Variants in ADAT3 observed in about 807,000 individuals in gnomAD.
ADAT3 encodes the protein tRNA-specific adenosine-34 deaminase regulatory subunit ADAT3.
ADAT3 carries 2 observed loss-of-function variants against 3.5 expected under a neutral mutation model. That is an observed-to-expected ratio of 0.57 (90% CI 0.23 to 1.79). The LOEUF (loss-of-function observed/expected upper bound fraction) is 1.79, where lower values mean the gene tolerates loss of function less well. ADAT3 is among the 40% of genes most tolerant of loss of function. ADAT3 has a pLI of 0.18. For missense variants in ADAT3, 735 were observed against 571.4 expected (o/e 1.29, Z -2.92); for synonymous variants, 358 against 270.3 (o/e 1.32, Z -3.18).
At chr19:1,907,415 G>A (rs148317460) in intron 1 of ADAT3, among the ~76,000 whole-genome samples, 5 of 151,748 alleles carry the variant, frequency 3.3e-5, no homozygotes, top group African/African-American at 1.2e-4. Context: ...AGGTAGAGCA[G>A]GAATTCCCAT....
chr19:1,912,797 C>G lies in ADAT3; in HGVS notation c.750C>G (p.Arg250=). 1 of 1,574,030 alleles carries G rather than the reference C, an allele frequency of 6.4e-7. No individual in the cohort carries two copies. The highest frequency in any genetic ancestry group is 8.6e-7 in the Non-Finnish European group (1 of 1,168,586). Residue 250 remains arginine, a synonymous_variant, in exon 2 of 2, where the codon CGC becomes CGG. Transcript: ENST00000329478. ...TGGTGTGCGTGGACCTCGTGGCGCG[C>G]GGCCAGGGCCGCGGCACCTACGACT... ...AVMVCVDLVA[R]GQGRGTYDFR...
In ADAT3 at chr19:1,913,000, G is replaced by A. The variant is rs368033500; in HGVS notation, c.953G>A (p.Arg318His). 2.5e-6 allele frequency: 4 copies of A among 1,607,906 alleles called. No individual in the cohort carries two copies. The highest frequency in any genetic ancestry group is 1.1e-5 in the South Asian group (1 of 91,050). The part of the protein sequence containing the change: ...AMCAMALVHA[R>H]ILRVFYGAPS... ...TGCGCCATGGCCCTGGTGCACGCAC[G>A]CATCCTGCGCGTCTTCTACGGTGCG... is the stretch of plus-strand genomic sequence containing the variant. The change falls in exon 2 of 2, where the codon CGC (arginine) becomes CAC (histidine). Residue 318 changes from arginine (R) to histidine (H), a missense_variant. Transcript: ENST00000329478.
intron 1 of ADAT3, chr19:1,905,686 C>A (rs2013073137): frequency 6.5e-6 from 1 of 154,506 alleles, no homozygotes; most frequent in Non-Finnish European, 1.5e-5. Flanking sequence ...CGCGCTCCCC[C>A]GGGCCTAGCG....
rs1277570305 is a variant in ADAT3 at position 1,908,931 on chromosome 19, C to A, written c.-158-2959C>A. On this transcript the variant is annotated intron_variant, in intron 1 of 1. Coordinates refer to ENST00000329478, the MANE Select transcript of ADAT3 (RefSeq NM_138422.4). This position sits in a 1 kb window ranked among gnomAD's most constrained non-coding sequence, Gnocchi z 4.2. ...ACCAGCCTGGCCAACATGGTGGAAC[C>A]CCGTCTCTACTGAAAATACAAAAAT... 6.6e-6 allele frequency among the ~76,000 whole-genome samples: 1 copy of A among 151,910 alleles called. No homozygotes were observed. The highest frequency in any genetic ancestry group is 1.5e-5 in the Non-Finnish European group (1 of 68,016).
In ADAT3 at chr19:1,912,318, C is replaced by A. The variant is rs1261545718; in HGVS notation, c.271C>A (p.Leu91Ile). Residue 91 changes from leucine (L) to isoleucine (I), a missense_variant, in exon 2 of 2, where the codon CTC (leucine) becomes ATC (isoleucine). Leu to Ile is a conservative substitution (Grantham distance 5). Transcript: ENST00000329478. The part of the protein sequence containing the change: ...ALHPLPAQPH[L>I]KRVRPSRDAG... ...GCACCCGCTCCCCGCCCAGCCTCAC[C>A]TCAAGCGGGTGCGGCCCAGCCGCGA... 1.3e-6 allele frequency: 2 copies of A among 1,550,652 alleles called. No homozygotes were observed. The highest frequency in any genetic ancestry group is 1.2e-5 in the South Asian group (1 of 83,318).
At chr19:1,907,343 G>C (rs1259345749) in intron 1 of ADAT3, among the ~76,000 whole-genome samples, 1 of 149,800 alleles carries the variant, frequency 6.7e-6, no homozygotes, top group Non-Finnish European at 1.5e-5. Context: ...AAGATGGTCA[G>C]GCCCCTCCAT....
At position 1,908,188 on chromosome 19, in the gene ADAT3, T is replaced by A. The variant is rs1301897858; in HGVS notation, c.-159+2749T>A. 8 of 274,416 alleles carry A rather than the reference T, an allele frequency of 2.9e-5. 1 individual carries two copies. The highest frequency in any genetic ancestry group is 9.6e-5 in the South Asian group (3 of 31,358). 17.0% of individuals were successfully genotyped at this position (274,416 alleles called of 1,614,324 possible). On this transcript the variant is annotated intron_variant, in intron 1 of 1. Transcript: ENST00000329478. The surrounding 1 kb of genome is among the most constrained non-coding windows in gnomAD (Gnocchi z 4.2). ...GGAGGGCCCAGCGAGTCGGCTGCTA[T>A]GGGCCCCACCTGGCACGGGGCCTCG...
In ADAT3 at chr19:1,908,299, G is replaced by A; in HGVS notation, c.-159+2860G>A. The A allele has an allele frequency of 3.0e-6, 1 of 328,238 alleles. No homozygotes were observed. The highest frequency in any genetic ancestry group is 6.0e-6 in the Non-Finnish European group (1 of 165,394). 20.3% of individuals were successfully genotyped at this position (328,238 alleles called of 1,614,324 possible). ...CGGTTCTGTGCTTTGTTGAACGCGT[G>A]AGCTTCGGGCAGCGCTGGGGCCGCT... is the stretch of plus-strand genomic sequence containing the variant. On this transcript the variant is annotated intron_variant, in intron 1 of 1. Transcript: ENST00000329478. This position sits in a 1 kb window ranked among gnomAD's most constrained non-coding sequence, Gnocchi z 4.2.
Position 1,913,436 on chromosome 19 carries a change from G to A in ADAT3, c.*285G>A. The A allele has an allele frequency of 1.8e-6, 1 of 545,534 alleles. No homozygotes were observed. Among genetic ancestry groups the A allele is most frequent in the Non-Finnish European group, 3.3e-6 (1 of 299,964 alleles). The allele number at this position is 545,534 out of a possible 1,614,324, so 33.8% of individuals were successfully genotyped here. ...AACTGCTCTGATGGGAAAATAAACA[G>A]CCCAAAACCAAGTGGGTGTCTGTTA... On this transcript the variant is annotated 3_prime_UTR_variant, in exon 2 of 2. Transcript: ENST00000329478.
intron 1 of ADAT3, among the ~76,000 whole-genome samples, chr19:1,911,466 C>T (rs2013443751): frequency 2.0e-5 from 3 of 152,220 alleles, no homozygotes; most frequent in South Asian, 4.1e-4. Context: ...GCCGCTGGTA[C>T]CTAGCCATGA....
Position 1,912,064 on chromosome 19 carries a change from G to A in ADAT3, c.17G>A (p.Arg6His), listed in dbSNP as rs1161781298. 4.9e-6 allele frequency: 7 copies of A among 1,436,016 alleles called. No homozygotes were observed. The highest frequency in any genetic ancestry group is 5.6e-5 in the East Asian group (2 of 35,756). The allele number at this position is 1,436,016 out of a possible 1,614,324, so 89.0% of individuals were successfully genotyped here. MILCSRLCLPQSASLR... is the reference protein window; with the variant it reads MILCSHLCLPQSASLR... Reference sequence around the variant, plus strand: ...AGCCGCCGGATGATCCTCTGCTCCCGTCTCTGTCTCCCACAGTCGGCCTCG... The same window carrying A: ...AGCCGCCGGATGATCCTCTGCTCCCATCTCTGTCTCCCACAGTCGGCCTCG... The change falls in exon 2 of 2, where the codon CGT becomes CAT. Residue 6 changes from arginine to histidine, a missense_variant. Physicochemically the swap from Arg to His is conservative, Grantham distance 29. Coordinates refer to ENST00000329478, the MANE Select transcript of ADAT3 (RefSeq NM_138422.4).
At chr19:1,906,158 G>C (rs552507360) in intron 1 of ADAT3, 3 of 152,160 alleles carry the variant, frequency 2.0e-5, no homozygotes. Flanking sequence ...TCCGGAGTTC[G>C]AGACCAGCCT....
In ADAT3 at chr19:1,912,893, T is replaced by A. The variant is rs369238135; in HGVS notation, c.846T>A (p.Arg282=). ...AGGCCGTCCGCGCAGGCGCCGTGCG[T>A]AAACTGGACGCAGACGAGGACGGCC... is the stretch of plus-strand genomic sequence containing the variant. ...APQAVRAGAV[R]KLDADEDGLP... Residue 282 remains arginine, a synonymous_variant, in exon 2 of 2, where the codon CGT becomes CGA. Transcript: ENST00000329478. 1.9e-5 allele frequency: 31 copies of A among 1,606,698 alleles called. No homozygotes were observed. In the African/African-American group the frequency reaches 3.1e-4, roughly 16 times the overall value.
At position 1,908,573 on chromosome 19, in the gene ADAT3, G is replaced by T. The variant is rs143725052; in HGVS notation, c.-159+3134G>T. Reference sequence around the variant, plus strand: ...GGCTGGAGTCATTTTAAGATCATCTGCGGCTTAGCCCCAGCACCATCTGAG... The same window carrying T: ...GGCTGGAGTCATTTTAAGATCATCTTCGGCTTAGCCCCAGCACCATCTGAG... On this transcript the variant is annotated intron_variant, in intron 1 of 1. Coordinates refer to ENST00000329478, the MANE Select transcript of ADAT3 (RefSeq NM_138422.4). This position sits in a 1 kb window ranked among gnomAD's most constrained non-coding sequence, Gnocchi z 4.2. 1,456 of 471,164 alleles carry T rather than the reference G, an allele frequency of 3.1e-3. 21 individuals are homozygous for T. The highest frequency in any genetic ancestry group is 0.026 in the African/African-American group (1,290 of 50,204). The allele number at this position is 471,164 out of a possible 1,614,324, so 29.2% of individuals were successfully genotyped here. A position where few individuals can be genotyped will look rare whatever the true frequency, so the allele number is the denominator to read the frequency against.
At chr19:1,910,182 G>T (rs139784391) in intron 1 of ADAT3, among the ~76,000 whole-genome samples, 1 of 152,302 alleles carries the variant, frequency 6.6e-6, no homozygotes, top group South Asian at 2.1e-4. Context: ...GGGTCTCACC[G>T]GGCTGGAACC....
intron 1 of ADAT3, chr19:1,905,985 C>G (rs761472630): frequency 5.9e-5 from 9 of 152,252 alleles, no homozygotes; most frequent in Non-Finnish European, 1.2e-4. Flanking sequence ...CTCCCACACA[C>G]TACCCCGAGG....
chr19:1,911,691 G>A (rs1206177443), intron 1 of ADAT3, among the ~76,000 whole-genome samples, 199 bp from the exon 2 acceptor site: 1 of 152,210 alleles, frequency 6.6e-6, no homozygotes, highest in Non-Finnish European at 1.5e-5. Flanking sequence ...GCTGAGGCAT[G>A]AGAATAGCTT....
In ADAT3 at chr19:1,913,293, TG is replaced by T; in HGVS notation, c.*143del. 1 of 1,256,778 alleles carries T rather than the reference TG, an allele frequency of 8.0e-7. No homozygotes were observed. The highest frequency in any genetic ancestry group is 1.1e-6 in the Non-Finnish European group (1 of 929,104). 77.9% of individuals were successfully genotyped at this position (1,256,778 alleles called of 1,614,324 possible). On this transcript the variant is annotated 3_prime_UTR_variant, in exon 2 of 2. Transcript: ENST00000329478. The stretch of plus-strand genomic sequence containing the variant: ...CGCCTCCAGCGGGGAGCACGGGTGC[TG>T]CCTTCCGTGCGGATCGAGCTTTCCT...
chr19:1,912,159 G>T lies in ADAT3; in HGVS notation c.112G>T (p.Glu38Ter). The T allele has an allele frequency of 6.4e-7, 1 of 1,570,526 alleles. No homozygotes were observed. The highest frequency in any genetic ancestry group is 1.4e-5 in the African/African-American group (1 of 74,064). The change falls in exon 2 of 2, where the codon GAG becomes TAG. Residue 38 changes from glutamate to a stop codon, truncating the protein, a stop_gained. Coordinates refer to ENST00000329478, the MANE Select transcript of ADAT3 (RefSeq NM_138422.4). LOFTEE classifies it low-confidence loss of function (END_TRUNC). ...CTTGGAGGCCGGGAGCCCGGAGCCT[G>T]AGCCGGCGCCGTGGCAGGCCCTCCC... is the stretch of plus-strand genomic sequence containing the variant. ...KCLEAGSPEP[E>*]PAPWQALPVL...
Sources: allele counts gnomAD v4.1 joint callset (sites outside exome capture counted in the v4.1 genomes callset), GRCh38; gene constraint gnomAD v4.1.1; non-coding constraint Gnocchi (gnomAD v3.1); transcripts MANE v1.5; gene names NCBI Gene and HGNC (gene_info 2026-07-23, HGNC 2026-07-21).